The following DCAF5 variants were observed in gnomAD, a reference collection of about 807,000 sequenced individuals.
DCAF5 encodes DDB1- and CUL4-associated factor 5.
In DCAF5, 9 loss-of-function variants were observed where a neutral mutation model predicts 80.7. That is an observed-to-expected ratio of 0.11 (90% CI 0.07 to 0.19). DCAF5 has a LOEUF of 0.19. Among genes scored for constraint, DCAF5 ranks in the 10% least tolerant of loss-of-function variants. The pLI is 1.00. For missense variants in DCAF5, 842 were observed against 1,205.7 expected, an observed-to-expected ratio of 0.70 and a Z score of 4.47; for synonymous variants, 433 against 461.9, an observed-to-expected ratio of 0.94 and a Z score of 0.80.
At chr14:69,071,493 T>C (rs2038691738) in intron 7 of DCAF5, among the ~76,000 whole-genome samples, 1 of 151,972 alleles carries the variant, frequency 6.6e-6, no homozygotes, top group African/African-American at 2.4e-5. Context: ...AGTCTAGTTC[T>C]GATCATGCCA....
intron 1 of DCAF5, among the ~76,000 whole-genome samples, chr14:69,137,701 G>A (rs2041237356): frequency 6.6e-6 from 1 of 152,112 alleles, no homozygotes; most frequent in African/African-American, 2.4e-5. Context: ...CTTGTTTCTT[G>A]CCAGTACAGT....
intron 1 of DCAF5, among the ~76,000 whole-genome samples, chr14:69,140,952 G>A (rs181318918): frequency 2.0e-4 from 31 of 151,882 alleles, no homozygotes; most frequent in African/African-American, 5.6e-4. Flanking sequence ...TGGCCAACAC[G>A]GTGAAACCCC....
chr14:69,078,876 T>G (rs985257661), intron 6 of DCAF5, among the ~76,000 whole-genome samples: 1 of 151,270 alleles, frequency 6.6e-6, no homozygotes, highest in African/African-American at 2.4e-5. Context: ...AATGTACACT[T>G]TTTTTTTTGA....
rs112822376 is a variant in DCAF5, at chr14:69,133,539, T to A, written c.215-11179A>T. 8.0e-3 allele frequency among the ~76,000 whole-genome samples: 1,215 copies of A among 152,110 alleles called. 18 individuals are homozygous for A. The highest frequency in any genetic ancestry group is 0.028 in the African/African-American group (1,149 of 41,448). ...GTGGCACTTCCCAAATCGAAACCAG[T>A]AGGCAGGGAAGAGGCGGGGGTACAG... On this transcript the variant is annotated intron_variant, in intron 1 of 8. Coordinates refer to ENST00000341516, the MANE Select transcript of DCAF5 (RefSeq NM_003861.3).
intron 5 of DCAF5, among the ~76,000 whole-genome samples, chr14:69,105,945 A>ATATATATATATATATATATATATATG (rs1566759384): frequency 1.5e-5 from 1 of 66,624 alleles, no homozygotes; most frequent in African/African-American, 4.0e-5. Context: ...ATATATATAT[A>ATATATATATATATATATATATATATG]TCTCCTATTG....
intron 7 of DCAF5, among the ~76,000 whole-genome samples, chr14:69,070,908 C>A (rs1173395400): frequency 1.3e-5 from 2 of 151,790 alleles, no homozygotes; most frequent in Non-Finnish European, 2.9e-5. Context: ...AGCGTTTCTT[C>A]TGCCACAGCC....
intron 7 of DCAF5, among the ~76,000 whole-genome samples, chr14:69,071,605 GA>G (rs1234039146): frequency 6.7e-6 from 1 of 148,704 alleles, no homozygotes; most frequent in African/African-American, 2.4e-5. Context: ...GGGAGGGAGG[GA>G]GGGGGAAGAG....
chr14:69,055,467 G>C lies in DCAF5; in HGVS notation c.1219C>G (p.Gln407Glu), dbSNP rs2037930585. 1 of 1,614,204 alleles carries C rather than the reference G, an allele frequency of 6.2e-7. No individual in the cohort carries two copies. Among genetic ancestry groups the C allele is most frequent in the South Asian group, 1.1e-5 (1 of 91,082 alleles). The change falls in exon 9 of 9, where the codon CAG (glutamine) becomes GAG (glutamate). Residue 407 changes from glutamine to glutamate, a missense_variant. Gln to Glu is a conservative substitution (Grantham distance 29, BLOSUM62 2). Coordinates refer to ENST00000341516, the MANE Select transcript of DCAF5 (RefSeq NM_003861.3). The surrounding 1 kb of genome is among the most constrained non-coding windows in gnomAD (Gnocchi z 5.6). Reference sequence around the variant, plus strand: ...ATCCGGGGGTCTTCCTGGACCGACTGGTTGGCGTAGTCATGCGACAGGCCA... The same window carrying C: ...ATCCGGGGGTCTTCCTGGACCGACTCGTTGGCGTAGTCATGCGACAGGCCA... ...GSGLSHDYAN[Q>E]SVQEDPRMMA...
At chr14:69,135,741 T>C (rs935996981) in intron 1 of DCAF5, among the ~76,000 whole-genome samples, 2 of 152,172 alleles carry the variant, frequency 1.3e-5, no homozygotes, top group Non-Finnish European at 2.9e-5. Context: ...CATAACCACT[T>C]CCCAATACAC....
Position 69,053,623 on chromosome 14 carries a change from T to G in DCAF5, c.*234A>C. On this transcript the variant is annotated 3_prime_UTR_variant, in exon 9 of 9. Coordinates refer to ENST00000341516, the MANE Select transcript of DCAF5 (RefSeq NM_003861.3). ...ACGCTCACGTCTCACTAGAAAGGAG[T>G]CACTTGGGTTATTTTTTTTTCCCCT... 7 of 477,818 alleles carry G rather than the reference T, an allele frequency of 1.5e-5. No individual in the cohort carries two copies. Among genetic ancestry groups the G allele is most frequent in the Non-Finnish European group, 2.5e-5 (7 of 278,176 alleles). The allele number at this position is 477,818 out of a possible 1,614,324, so 29.6% of individuals were successfully genotyped here.
At chr14:69,086,804 A>G (rs1196627034) in intron 6 of DCAF5, among the ~76,000 whole-genome samples, 2 of 152,142 alleles carry the variant, frequency 1.3e-5, no homozygotes, top group African/African-American at 4.8e-5. Flanking sequence ...CATAGGGTGC[A>G]AGTCAGCTCT....
In DCAF5 at chr14:69,055,145, G is replaced by C. The variant is rs748005578; in HGVS notation, c.1541C>G (p.Ser514Cys). 41 of 1,614,144 alleles carry C rather than the reference G, an allele frequency of 2.5e-5. No homozygotes were observed. Among genetic ancestry groups the C allele is most frequent in the Non-Finnish European group, 3.2e-5 (38 of 1,180,060 alleles). Reference protein sequence around the residue: ...EDAASRQQRLSALRRYQDKRL... With the variant: ...EDAASRQQRLCALRRYQDKRL... ...TTTGTCTTGGTAGCGCCGCAGAGCA[G>C]ACAGACGCTGCTGGCGAGAGGCTGC... is the stretch of plus-strand genomic sequence containing the variant. Residue 514 changes from serine to cysteine, a missense_variant, in exon 9 of 9, where the codon TCT becomes TGT. Ser to Cys is a moderately radical substitution (Grantham distance 112). Around this residue, in one of 5 missense-constraint regions of DCAF5, gnomAD observed 607 missense variants for 656.6 expected, o/e 0.92. Transcript: ENST00000341516. The surrounding 1 kb of genome is among the most constrained non-coding windows in gnomAD (Gnocchi z 5.6).
chr14:69,091,842 C>T lies in DCAF5; in HGVS notation c.711G>A (p.Met237Ile). The change falls in exon 6 of 9, where the codon ATG becomes ATA. Residue 237 changes from methionine to isoleucine, a missense_variant. Physicochemically the swap from Met to Ile is conservative, Grantham distance 10. Transcript: ENST00000341516. Reference sequence around the variant, plus strand: ...TCCCGTTGCTGTTGAATCGTACACTCATGGCACTTTGGAGGGACAGGTTTC... The same window carrying T: ...TCCCGTTGCTGTTGAATCGTACACTTATGGCACTTTGGAGGGACAGGTTTC... ...YGGNLSLQSAMSVRFNSNGTQ... is the reference protein window; with the variant it reads ...YGGNLSLQSAISVRFNSNGTQ... The T allele has an allele frequency of 6.2e-7, 1 of 1,614,068 alleles. No homozygotes were observed.
rs1490525728 is a variant in DCAF5, at chr14:69,085,308, GA to G, written c.879+6365del. 7.0e-6 allele frequency: 5 copies of G among 710,348 alleles called. No individual in the cohort carries two copies. In the East Asian group the frequency reaches 1.4e-4, roughly 20 times the overall value. The allele number at this position is 710,348 out of a possible 1,614,324, so 44.0% of individuals were successfully genotyped here. Reference sequence around the variant, plus strand: ...TAGGCAGTGGTGGATTTGGCTACCAGAAAACCAAGAAAGTTGAGAAGTCCAA... The same window carrying G: ...TAGGCAGTGGTGGATTTGGCTACCAGAAACCAAGAAAGTTGAGAAGTCCAA... On this transcript the variant is annotated intron_variant, in intron 6 of 8. Transcript: ENST00000341516.
At chr14:69,084,935 C>G in intron 6 of DCAF5, 1 of 1,429,412 alleles carries the variant, frequency 7.0e-7, no homozygotes, top group Admixed American at 1.7e-5. Flanking sequence ...CAGCCAGAGA[C>G]CTAAATGGGA....
chr14:69,098,099 C>T (rs1159646745), intron 5 of DCAF5, among the ~76,000 whole-genome samples: 2 of 151,858 alleles, frequency 1.3e-5, no homozygotes, highest in Admixed American at 6.6e-5. Flanking sequence ...CTAGACAATA[C>T]CCCCTACCCT....
At chr14:69,142,260 T>G (rs2041400437) in intron 1 of DCAF5, among the ~76,000 whole-genome samples, 1 of 152,216 alleles carries the variant, frequency 6.6e-6, no homozygotes, top group African/African-American at 2.4e-5. Flanking sequence ...TAACTGCCCC[T>G]GCACTCTGGT....
intron 1 of DCAF5, chr14:69,149,491 G>A (rs2041640076): frequency 6.6e-6 from 1 of 152,148 alleles, no homozygotes; most frequent in Non-Finnish European, 1.5e-5. Flanking sequence ...CTGTGCCCTG[G>A]AAAAGGGGAT....
rs1336737288 is a variant in DCAF5 at position 69,055,739 on chromosome 14, C to G, written c.1075-128G>C. On this transcript the variant is annotated intron_variant, in intron 8 of 8. Transcript: ENST00000341516. This position sits in a 1 kb window ranked among gnomAD's most constrained non-coding sequence, Gnocchi z 5.6. ...CTGTAATTTAACTAGGACTTGCTAA[C>G]CAACTTAAAAATAAGTTCTTTACCA... 3 of 969,748 alleles carry G rather than the reference C, an allele frequency of 3.1e-6. No individual in the cohort carries two copies. Among genetic ancestry groups the G allele is most frequent in the Non-Finnish European group, 4.6e-6 (3 of 658,880 alleles). The allele number at this position is 969,748 out of a possible 1,614,324, so 60.1% of individuals were successfully genotyped here.
Sources: gnomAD v4.1 joint callset for allele counts (sites outside exome capture counted in the v4.1 genomes callset) on GRCh38, gnomAD v4.1.1 for gene constraint, gnomAD v4.1.1 regional missense constraint, Gnocchi (gnomAD v3.1) non-coding constraint, MANE v1.5 for transcripts, NCBI Gene and HGNC (gene_info 2026-07-23, HGNC 2026-07-21) for gene names.